Variants in TSPAN5 observed in about 807,000 individuals in gnomAD.
TSPAN5 encodes the protein tetraspanin 5, also known as tetraspanin-5.
Under a neutral mutation model 37.1 loss-of-function variants are expected in TSPAN5, and 10 were observed. The ratio of observed to expected loss-of-function variants is 0.27; its 90% CI spans 0.17 to 0.46. TSPAN5 has a LOEUF of 0.46. TSPAN5 is among the 20% of genes least tolerant of loss of function. TSPAN5 has a pLI of 1.00. For missense variants in TSPAN5, 195 were observed against 326.6 expected (o/e 0.60, Z 3.11); for synonymous variants, 110 against 118.9 (o/e 0.93, Z 0.48).
At chr4:98,501,836 C>G (rs1367409643) in intron 2 of TSPAN5, among the ~76,000 whole-genome samples, 1 of 152,172 alleles carries the variant, frequency 6.6e-6, no homozygotes, top group Non-Finnish European at 1.5e-5. Flanking sequence ...AAGGATCTGT[C>G]TTACATTTCC....
intron 1 of TSPAN5, among the ~76,000 whole-genome samples, chr4:98,549,296 GTTTT>G (rs777948646): frequency 2.4e-5 from 3 of 126,512 alleles, no homozygotes; most frequent in South Asian, 2.4e-4. Context: ...TTGTTTGTTT[GTTTT>G]TGTTTTTTTT....
chr4:98,559,587 A>C (rs192689569), intron 1 of TSPAN5, among the ~76,000 whole-genome samples: 64 of 152,278 alleles, frequency 4.2e-4, no homozygotes, highest in Middle Eastern at 3.4e-3. Flanking sequence ...ATTTTCCTTG[A>C]ATTACTTTAA....
chr4:98,486,156 C>T (rs1320655372), intron 3 of TSPAN5, among the ~76,000 whole-genome samples: 7 of 152,178 alleles, frequency 4.6e-5, no homozygotes. Context: ...CAGTGAACCC[C>T]CTGGTGAAAC....
chr4:98,554,842 TG>T (rs1188569120), intron 1 of TSPAN5, among the ~76,000 whole-genome samples: 1 of 152,202 alleles, frequency 6.6e-6, no homozygotes, highest in Admixed American at 6.5e-5. Context: ...GGAGAGAGTA[TG>T]TGCCAAACAA....
chr4:98,544,015 A>G (rs901105582), intron 1 of TSPAN5, among the ~76,000 whole-genome samples: 2 of 151,966 alleles, frequency 1.3e-5, no homozygotes, highest in South Asian at 4.1e-4. Flanking sequence ...TTGTCTCTAC[A>G]AGAAATTTTT....
At chr4:98,553,550 C>A (rs1249241707) in intron 1 of TSPAN5, among the ~76,000 whole-genome samples, 7 of 152,096 alleles carry the variant, frequency 4.6e-5, no homozygotes, top group African/African-American at 1.7e-4. Flanking sequence ...ATTAAAACTT[C>A]GTAAGAATGG....
intron 1 of TSPAN5, among the ~76,000 whole-genome samples, chr4:98,564,494 T>C (rs932989997): frequency 1.3e-5 from 2 of 152,176 alleles, no homozygotes; most frequent in Admixed American, 6.5e-5. Flanking sequence ...AGAAGCTAAA[T>C]ATAGGTGATC....
At chr4:98,489,233 T>A (rs1219491207) in intron 2 of TSPAN5, among the ~76,000 whole-genome samples, 2 of 152,130 alleles carry the variant, frequency 1.3e-5, no homozygotes, top group Non-Finnish European at 2.9e-5. Context: ...CCAGGCCGAA[T>A]AAGAATTCCT....
chr4:98,646,816 CAAAAT>C (rs1336132545), intron 1 of TSPAN5, among the ~76,000 whole-genome samples: 1 of 151,950 alleles, frequency 6.6e-6, no homozygotes, highest in African/African-American at 2.4e-5. Context: ...GGAAAACAAT[CAAAAT>C]AAATTATGAG....
chr4:98,558,212 AATGT>A (rs1309239482), intron 1 of TSPAN5, among the ~76,000 whole-genome samples: 1 of 151,648 alleles, frequency 6.6e-6, no homozygotes, highest in Non-Finnish European at 1.5e-5. Flanking sequence ...ATTTTTATTA[AATGT>A]ATGTTCGAAT....
chr4:98,616,445 G>A (rs533662203), intron 1 of TSPAN5, among the ~76,000 whole-genome samples: 2 of 152,252 alleles, frequency 1.3e-5, no homozygotes, highest in East Asian at 3.9e-4. Flanking sequence ...TCAAGGGGAA[G>A]TTAAAGAGAG....
chr4:98,525,498 C>A (rs1753941867), intron 1 of TSPAN5, among the ~76,000 whole-genome samples: 1 of 152,094 alleles, frequency 6.6e-6, no homozygotes, highest in Non-Finnish European at 1.5e-5. Context: ...CCCTGATATG[C>A]CAGGACAGAC....
chr4:98,539,728 G>C (rs1209195269), intron 1 of TSPAN5, among the ~76,000 whole-genome samples: 3 of 152,074 alleles, frequency 2.0e-5, no homozygotes, highest in Non-Finnish European at 4.4e-5. Flanking sequence ...TCCCATCCCT[G>C]GTCCTCACAC....
At chr4:98,528,784 C>T (rs1281009392) in intron 1 of TSPAN5, among the ~76,000 whole-genome samples, 1 of 152,192 alleles carries the variant, frequency 6.6e-6, no homozygotes, top group Non-Finnish European at 1.5e-5. Flanking sequence ...ATGCTCACTA[C>T]TATAAACTAT....
intron 1 of TSPAN5, among the ~76,000 whole-genome samples, chr4:98,534,197 G>C (rs1052913641): frequency 2.8e-4 from 42 of 152,118 alleles, no homozygotes; most frequent in Admixed American, 6.6e-5. Context: ...ATGTGTCCCA[G>C]AGAGTCTGGT....
chr4:98,568,464 C>T (rs1755054636), intron 1 of TSPAN5, among the ~76,000 whole-genome samples: 1 of 151,740 alleles, frequency 6.6e-6, no homozygotes, highest in Non-Finnish European at 1.5e-5. Flanking sequence ...ATCGTTTGAA[C>T]CCAGAAGGCA....
At chr4:98,582,207 GC>G (rs1490917905) in intron 1 of TSPAN5, among the ~76,000 whole-genome samples, 1 of 152,204 alleles carries the variant, frequency 6.6e-6, no homozygotes, top group Admixed American at 6.5e-5. Context: ...TAGCCGCTGG[GC>G]CCTCTCCCCT....
chr4:98,612,235 G>A (rs1756213988), intron 1 of TSPAN5, among the ~76,000 whole-genome samples: 1 of 152,110 alleles, frequency 6.6e-6, no homozygotes, highest in Non-Finnish European at 1.5e-5. Context: ...GAGGTGAAGG[G>A]AGAAGAGGAG....
chr4:98,533,852 C>T (rs1296451151), intron 1 of TSPAN5, among the ~76,000 whole-genome samples: 1 of 141,586 alleles, frequency 7.1e-6, no homozygotes, highest in African/African-American at 2.7e-5. Flanking sequence ...ACCCGGCCCC[C>T]TATATCATTT....
Sources: allele counts gnomAD v4.1 joint callset (sites outside exome capture counted in the v4.1 genomes callset), GRCh38; gene constraint gnomAD v4.1.1; transcripts MANE v1.5; gene names NCBI Gene and HGNC (gene_info 2026-07-23, HGNC 2026-07-21).